FTO: variants seen among roughly 807,000 people sequenced by gnomAD.
FTO encodes alpha-ketoglutarate-dependent dioxygenase FTO.
Under a neutral mutation model 63.9 loss-of-function variants are expected in FTO, and 47 were observed. The observed-to-expected ratio is 0.74, with a 90% confidence interval of 0.58 to 0.94. The LOEUF is 0.94. FTO is among the 40% of genes least tolerant of loss of function. FTO has a pLI of 0.00. For missense variants in FTO, 562 were observed against 618.1 expected, an observed-to-expected ratio of 0.91 and a Z score of 0.96; for synonymous variants, 207 against 224.4, an observed-to-expected ratio of 0.92 and a Z score of 0.69.
chr16:53,798,459 A>T (rs944552075), intron 1 of FTO, among the ~76,000 whole-genome samples: 2 of 152,116 alleles, frequency 1.3e-5, no homozygotes, highest in East Asian at 1.9e-4. Flanking sequence ...GTGTTTTTTA[A>T]ATTTTCTTTG....
At chr16:54,089,631 A>G (rs2086331378) in intron 8 of FTO, among the ~76,000 whole-genome samples, 1 of 152,270 alleles carries the variant, frequency 6.6e-6, no homozygotes, top group Non-Finnish European at 1.5e-5. Flanking sequence ...TGCAAATCAT[A>G]TAATCTGATA....
At chr16:53,795,874 C>T (rs2078052275) in intron 1 of FTO, among the ~76,000 whole-genome samples, 1 of 151,762 alleles carries the variant, frequency 6.6e-6, no homozygotes, top group Admixed American at 6.6e-5. Context: ...ATTTTTAAAC[C>T]CAGTTAGTCT....
intron 8 of FTO, among the ~76,000 whole-genome samples, chr16:54,060,291 G>A (rs1181610505): frequency 1.3e-5 from 2 of 152,186 alleles, no homozygotes; most frequent in Non-Finnish European, 2.9e-5. Flanking sequence ...GAAAGACTCA[G>A]TGAATGAAGA....
intron 6 of FTO, among the ~76,000 whole-genome samples, chr16:53,883,337 T>C (rs1033293025): frequency 3.3e-5 from 5 of 152,124 alleles, no homozygotes; most frequent in African/African-American, 1.2e-4. Flanking sequence ...TCTGTCTGCT[T>C]CAGGCTGGGT....
intron 4 of FTO, among the ~76,000 whole-genome samples, chr16:53,855,649 C>T (rs1293354941): frequency 6.6e-6 from 1 of 152,092 alleles, no homozygotes; most frequent in Admixed American, 6.6e-5. Context: ...GAAATTCCTT[C>T]TCAAACAGAT....
intron 1 of FTO, among the ~76,000 whole-genome samples, chr16:53,806,260 A>G (rs1482669742): frequency 6.6e-6 from 1 of 152,220 alleles, no homozygotes; most frequent in East Asian, 1.9e-4. Flanking sequence ...TCATCTTTAT[A>G]CTGAATTTCA....
intron 1 of FTO, among the ~76,000 whole-genome samples, chr16:53,757,607 T>G (rs2076953998): frequency 6.6e-6 from 1 of 152,050 alleles, no homozygotes. Context: ...AATGCCCAAG[T>G]ATATTATCTA....
intron 8 of FTO, among the ~76,000 whole-genome samples, chr16:54,073,987 T>A (rs77720715): frequency 0.02 from 3,084 of 152,278 alleles, 48 homozygotes; most frequent in Non-Finnish European, 0.029. Context: ...CTAAATGTTA[T>A]GTTTTGGGTG....
chr16:53,847,256 C>T (rs2079650310), intron 4 of FTO, among the ~76,000 whole-genome samples: 1 of 152,162 alleles, frequency 6.6e-6, no homozygotes, highest in African/African-American at 2.4e-5. Flanking sequence ...CATGTCAGGC[C>T]AGCCCTCCTT....
chr16:53,716,958 A>G (rs1161108554), intron 1 of FTO, among the ~76,000 whole-genome samples: 1 of 151,220 alleles, frequency 6.6e-6, no homozygotes, highest in Non-Finnish European at 1.5e-5. Context: ...ATATATTTTA[A>G]ACAAAAATTA....
chr16:53,911,250 A>G (rs2081693090), intron 7 of FTO: 1 of 634,734 alleles, frequency 1.6e-6, no homozygotes, highest in African/African-American at 1.8e-5. Flanking sequence ...AGTAAGAGAG[A>G]ATGTAGTTTC....
At chr16:53,854,520 C>A (rs923474345) in intron 4 of FTO, among the ~76,000 whole-genome samples, 4 of 152,116 alleles carry the variant, frequency 2.6e-5, no homozygotes, top group Non-Finnish European at 5.9e-5. Context: ...TGTGGCTATC[C>A]AATGTTCCCG....
At chr16:53,938,073 G>T (rs1599037003) in intron 8 of FTO, among the ~76,000 whole-genome samples, 2 of 152,300 alleles carry the variant, frequency 1.3e-5, no homozygotes, top group East Asian at 3.9e-4. Context: ...CTTCATTTCA[G>T]TGATGTAGGT....
intron 1 of FTO, among the ~76,000 whole-genome samples, chr16:53,777,876 A>G (rs62033400): frequency 0.3 from 45,737 of 152,074 alleles, 8,302 homozygotes; most frequent in Non-Finnish European, 0.41. Flanking sequence ...TTAACCAGAA[A>G]AATGTCAGTC....
intron 3 of FTO, among the ~76,000 whole-genome samples, 180 bp from the exon 4 acceptor site, chr16:53,843,975 T>C (rs2079547220): frequency 6.6e-6 from 1 of 152,098 alleles, no homozygotes; most frequent in Non-Finnish European, 1.5e-5. Flanking sequence ...GATGAAAAAA[T>C]TAATGACATG....
chr16:54,085,878 C>G (rs1317033493), intron 8 of FTO, among the ~76,000 whole-genome samples: 1 of 152,196 alleles, frequency 6.6e-6, no homozygotes, highest in African/African-American at 2.4e-5. Context: ...TAGAGGTACC[C>G]TTGCACATCC....
intron 4 of FTO, among the ~76,000 whole-genome samples, chr16:53,872,512 G>T (rs929050948): frequency 6.6e-6 from 1 of 152,200 alleles, no homozygotes; most frequent in African/African-American, 2.4e-5. Flanking sequence ...CATGGAGTAA[G>T]TTAGGGCAAT....
At chr16:53,759,703 A>G (rs910271544) in intron 1 of FTO, among the ~76,000 whole-genome samples, 8 of 150,970 alleles carry the variant, frequency 5.3e-5, no homozygotes, top group Admixed American at 3.9e-4. Flanking sequence ...CAAAAAAAAA[A>G]AAAAAAAAAA....
At chr16:53,759,648 C>T (rs1244506907) in intron 1 of FTO, among the ~76,000 whole-genome samples, 4 of 138,104 alleles carry the variant, frequency 2.9e-5, no homozygotes, top group Non-Finnish European at 3.0e-5. Flanking sequence ...GAGCCGAGAT[C>T]GTGCCACTGC....
Sources: allele counts gnomAD v4.1 joint callset (sites outside exome capture counted in the v4.1 genomes callset), GRCh38; gene constraint gnomAD v4.1.1; transcripts MANE v1.5; gene names NCBI Gene and HGNC (gene_info 2026-07-23, HGNC 2026-07-21).